The following PIEZO2 variants were observed in gnomAD, a reference collection of about 807,000 sequenced individuals.
The protein encoded by PIEZO2 is piezo type mechanosensitive ion channel component 2.
Under a neutral mutation model 337.3 loss-of-function variants are expected in PIEZO2, and 172 were observed. The ratio of observed to expected loss-of-function variants is 0.51; its 90% CI spans 0.45 to 0.58. The LOEUF (loss-of-function observed/expected upper bound fraction) is 0.58. Ranked by LOEUF, PIEZO2 falls within the 20% of genes least tolerant of loss-of-function variation. The probability of loss-of-function intolerance (pLI) is 0.00; values close to 1 mark genes in which losing one functional copy is unlikely to be tolerated. For synonymous variants in PIEZO2, 1,251 were observed against 1,228.5 expected, an observed-to-expected ratio of 1.02 and a Z score of -0.38; for missense variants, 3,028 against 3,391.3, an observed-to-expected ratio of 0.89 and a Z score of 2.66.
intron 2 of PIEZO2, among the ~76,000 whole-genome samples, chr18:11,062,333 C>G (rs919246545): frequency 2.0e-5 from 3 of 152,074 alleles, no homozygotes; most frequent in Non-Finnish European, 2.9e-5. Context: ...CAATACCATT[C>G]AGGACATAGG....
At chr18:11,134,510 A>C (rs1169811201) in intron 1 of PIEZO2, among the ~76,000 whole-genome samples, 2 of 152,168 alleles carry the variant, frequency 1.3e-5, no homozygotes, top group East Asian at 3.9e-4. Context: ...TGGTCTTCTA[A>C]AAAGGCCCTC....
intron 2 of PIEZO2, among the ~76,000 whole-genome samples, chr18:11,018,209 G>A (rs1261902046): frequency 7.0e-6 from 1 of 142,758 alleles, no homozygotes; most frequent in Non-Finnish European, 1.5e-5. Context: ...GGTGGTGGTG[G>A]TGGTGGTGGT....
At chr18:11,121,883 A>G (rs954265828) in intron 1 of PIEZO2, among the ~76,000 whole-genome samples, 19 of 152,314 alleles carry the variant, frequency 1.2e-4, no homozygotes, top group African/African-American at 4.6e-4. Context: ...AACAAGTTCA[A>G]TTCTCATGTG....
chr18:10,771,162 T>C (rs1298757835), intron 20 of PIEZO2, among the ~76,000 whole-genome samples: 1 of 152,268 alleles, frequency 6.6e-6, no homozygotes, highest in Non-Finnish European at 1.5e-5. Flanking sequence ...GCCTGTCTCC[T>C]TCGACAAGGC....
Position 11,140,531 on chromosome 18 carries a change from T to C in PIEZO2, c.64+7994A>G, listed in dbSNP as rs182820640. Reference sequence around the variant, plus strand: ...GAGAAAATCATGTTATTTTGGAGTATAGATCTCATGGGTCATACTTTGTGC... The same window carrying C: ...GAGAAAATCATGTTATTTTGGAGTACAGATCTCATGGGTCATACTTTGTGC... On this transcript the variant is annotated intron_variant, in intron 1 of 55. Transcript: ENST00000674853. 1.3e-3 allele frequency among the ~76,000 whole-genome samples: 196 copies of C among 152,336 alleles called. 1 individual carries two copies. The highest frequency in any genetic ancestry group is 2.1e-3 in the Non-Finnish European group (141 of 68,034).
At chr18:11,136,178 C>T (rs1352325525) in intron 1 of PIEZO2, among the ~76,000 whole-genome samples, 1 of 152,190 alleles carries the variant, frequency 6.6e-6, no homozygotes, top group Non-Finnish European at 1.5e-5. Flanking sequence ...TAAGTGGAGT[C>T]CAGTGAATGA....
intron 2 of PIEZO2, among the ~76,000 whole-genome samples, chr18:11,052,722 T>C (rs1203903495): frequency 1.3e-5 from 2 of 152,198 alleles, no homozygotes; most frequent in African/African-American, 4.8e-5. Context: ...AATATAGTCT[T>C]TTGGGAAGAA....
intron 27 of PIEZO2, among the ~76,000 whole-genome samples, chr18:10,754,442 C>T (rs1468424424): frequency 6.6e-6 from 1 of 152,150 alleles, no homozygotes; most frequent in Non-Finnish European, 1.5e-5. Context: ...CAGGTCAATT[C>T]CTGAGTGGGG....
rs1212000027 is a variant in PIEZO2 at position 11,102,882 on chromosome 18, G to C, written c.65-36660C>G. Among the ~76,000 whole-genome samples the C allele has an allele frequency of 6.6e-6, 1 of 152,162 alleles. No homozygotes were observed. The highest frequency in any genetic ancestry group is 2.4e-5 in the African/African-American group (1 of 41,418). ...CGTCCCCAAGGCACAGCACTTTCCA[G>C]TTTTGCCACTTGAGAGAGACTGAAT... On this transcript the variant is annotated intron_variant, in intron 1 of 55. Transcript: ENST00000674853. The surrounding 1 kb of genome is among the most constrained non-coding windows in gnomAD (Gnocchi z 5.7).
Position 11,040,094 on chromosome 18 carries a change from G to A in PIEZO2, c.160+26033C>T, listed in dbSNP as rs1470115859. 6.5e-5 allele frequency among the ~76,000 whole-genome samples: 8 copies of A among 123,724 alleles called. No individual in the cohort carries two copies. The East Asian group carries it at 1.6e-3, about 25-fold the overall frequency. The allele number at this position is 123,724 out of a possible 152,430, so 81.2% of individuals were successfully genotyped here. A position where few individuals can be genotyped will look rare whatever the true frequency, so the allele number is the denominator to read the frequency against. The stretch of plus-strand genomic sequence containing the variant: ...CCTCAAAAATCATAGAGTTCTTGTT[G>A]GCTAAATACCATCTGAAAAAAAAAA... On this transcript the variant is annotated intron_variant, in intron 2 of 55. Transcript: ENST00000674853.
chr18:10,818,989 A>G (rs953676453), intron 7 of PIEZO2, among the ~76,000 whole-genome samples: 2 of 152,158 alleles, frequency 1.3e-5, no homozygotes, highest in African/African-American at 2.4e-5. Context: ...TTTATTTTTT[A>G]TCTATATTGT....
intron 43 of PIEZO2, among the ~76,000 whole-genome samples, chr18:10,699,640 A>G (rs1026927660): frequency 1.2e-4 from 19 of 152,198 alleles, no homozygotes; most frequent in African/African-American, 4.6e-4. Flanking sequence ...AAAACGGACT[A>G]ATACACAAGA....
At chr18:10,788,506 A>AT (rs111358533) in intron 15 of PIEZO2, among the ~76,000 whole-genome samples, 83,765 of 149,614 alleles carry the variant, frequency 0.56, 23,974 homozygotes, top group Middle Eastern at 0.68. Context: ...AATTTTACAG[A>AT]TTTTTTTTGA....
intron 2 of PIEZO2, among the ~76,000 whole-genome samples, chr18:11,013,646 C>T (rs2035982258): frequency 6.6e-6 from 1 of 152,172 alleles, no homozygotes; most frequent in Admixed American, 6.5e-5. Flanking sequence ...GCTGCTCCTA[C>T]CAGCATTCCT....
At chr18:10,845,163 AATT>A (rs888788120) in intron 7 of PIEZO2, among the ~76,000 whole-genome samples, 2 of 151,394 alleles carry the variant, frequency 1.3e-5, no homozygotes, top group Admixed American at 1.3e-4. Flanking sequence ...TATGGGGAAT[AATT>A]ATTATTATAA....
rs1393477497 is a variant in PIEZO2, at chr18:11,092,260, A to C, written c.65-26038T>G. Among the ~76,000 whole-genome samples the C allele has an allele frequency of 2.0e-5, 3 of 152,250 alleles. No individual in the cohort carries two copies. Among genetic ancestry groups the C allele is most frequent in the Admixed American group, 1.3e-4 (2 of 15,292 alleles). On this transcript the variant is annotated intron_variant, in intron 1 of 55. Coordinates refer to ENST00000674853, the MANE Select transcript of PIEZO2 (RefSeq NM_001378183.1). This position sits in a 1 kb window ranked among gnomAD's most constrained non-coding sequence, Gnocchi z 4.5. The stretch of plus-strand genomic sequence containing the variant: ...CAATGGGAAAATGGTTGAAGATATT[A>C]AGAAAAGTCCATATTATGGAATACT...
In PIEZO2 at chr18:10,784,781, C is replaced by T. The variant is rs2039158503; in HGVS notation, c.2492+3G>A. ...GAGGTCTGTGTTTCTTCCAGTGGCTCACCTGTAGATGGTGTTGTCTTCTTT... is the reference window on the plus strand; with the variant it reads ...GAGGTCTGTGTTTCTTCCAGTGGCTTACCTGTAGATGGTGTTGTCTTCTTT... On this transcript the variant is annotated splice_donor_region_variant and intron_variant, in intron 17 of 55. Transcript: ENST00000674853. This position sits in a 1 kb window ranked among gnomAD's most constrained non-coding sequence, Gnocchi z 4.5. 1.0e-5 allele frequency: 16 copies of T among 1,530,014 alleles called. No individual in the cohort carries two copies. Among genetic ancestry groups the T allele is most frequent in the Non-Finnish European group, 1.2e-5 (14 of 1,142,332 alleles). The allele number at this position is 1,530,014 out of a possible 1,614,324, so 94.8% of individuals were successfully genotyped here.
At chr18:10,871,042 C>A (rs2042126757) in intron 5 of PIEZO2, among the ~76,000 whole-genome samples, 1 of 151,900 alleles carries the variant, frequency 6.6e-6, no homozygotes, top group African/African-American at 2.4e-5. Context: ...CACCCCTGAG[C>A]CTGTCTTCTC....
At chr18:11,079,934 G>T (rs546128930) in intron 1 of PIEZO2, among the ~76,000 whole-genome samples, 26 of 152,310 alleles carry the variant, frequency 1.7e-4, no homozygotes, top group Middle Eastern at 6.8e-3. Flanking sequence ...AATGCAACAA[G>T]TAAAAAAACT....
Sources: allele counts gnomAD v4.1 joint callset (sites outside exome capture counted in the v4.1 genomes callset), GRCh38; gene constraint gnomAD v4.1.1; non-coding constraint Gnocchi (gnomAD v3.1); transcripts MANE v1.5; gene names NCBI Gene and HGNC (gene_info 2026-07-23, HGNC 2026-07-21).